CTNNA3: variants seen among roughly 807,000 people sequenced by gnomAD.
CTNNA3 encodes catenin alpha 3.
Under a neutral mutation model 95.7 loss-of-function variants are expected in CTNNA3, and 76 were observed. The ratio of observed to expected loss-of-function variants is 0.79; its 90% confidence interval spans 0.66 to 0.96. The LOEUF (loss-of-function observed/expected upper bound fraction) is 0.96. CTNNA3 is among the 40% of genes least tolerant of loss of function. CTNNA3 has a pLI of 0.00. For synonymous variants in CTNNA3, 431 were observed against 374.4 expected (o/e 1.15, Z -1.74); for missense variants, 1,191 against 1,089.8 (o/e 1.09, Z -1.31).
chr10:66,368,728 TA>T (rs1404053692), intron 12 of CTNNA3, among the ~76,000 whole-genome samples: 3 of 152,112 alleles, frequency 2.0e-5, no homozygotes, highest in African/African-American at 7.2e-5. Flanking sequence ...ATAAATAACA[TA>T]GGGGAGATGG....
intron 6 of CTNNA3, among the ~76,000 whole-genome samples, chr10:67,186,151 G>A (rs1391900460): frequency 6.6e-6 from 1 of 152,134 alleles, no homozygotes; most frequent in Non-Finnish European, 1.5e-5. Context: ...AATGTAATTA[G>A]AAGATGTGAT....
chr10:67,691,463 C>T (rs1251304770), intron 1 of CTNNA3, among the ~76,000 whole-genome samples: 4 of 151,952 alleles, frequency 2.6e-5, no homozygotes, highest in Admixed American at 2.6e-4. Flanking sequence ...CTCTTCCCGG[C>T]CACCATCACA....
intron 7 of CTNNA3, among the ~76,000 whole-genome samples, chr10:66,906,121 T>C (rs750245435): frequency 1.3e-5 from 2 of 152,196 alleles, no homozygotes. Flanking sequence ...CAGTGACTAC[T>C]AAAGCATTAG....
intron 7 of CTNNA3, among the ~76,000 whole-genome samples, chr10:67,142,247 T>G (rs1273912655): frequency 6.6e-6 from 1 of 152,210 alleles, no homozygotes; most frequent in Non-Finnish European, 1.5e-5. Flanking sequence ...GCTTATTGAC[T>G]TTTTTAGAAA....
At chr10:67,577,302 C>G (rs556695922) in intron 3 of CTNNA3, among the ~76,000 whole-genome samples, 4 of 150,060 alleles carry the variant, frequency 2.7e-5, no homozygotes, top group Admixed American at 1.3e-4. Flanking sequence ...CTCTGATGGC[C>G]AGTGTTTTGG....
intron 5 of CTNNA3, among the ~76,000 whole-genome samples, chr10:67,404,759 A>C (rs899597696): frequency 6.6e-6 from 1 of 152,158 alleles, no homozygotes; most frequent in Non-Finnish European, 1.5e-5. Context: ...ACATGTAATC[A>C]TCAGATCCTC....
Position 66,146,117 on chromosome 10 carries a change from G to C in CTNNA3, c.1885-42868C>G, listed in dbSNP as rs537098131. On this transcript the variant is annotated intron_variant, in intron 13 of 17. Transcript: ENST00000433211. ...TCCACCTGCTTTGGCCTCCCAAAGT[G>C]CTGGGATTACAGGCATGAGCCACCG... 2.0e-5 allele frequency among the ~76,000 whole-genome samples: 3 copies of C among 152,278 alleles called. No individual in the cohort carries two copies. The East Asian group carries it at 5.8e-4, about 30-fold the overall frequency.
chr10:66,451,014 T>C (rs758379435), intron 11 of CTNNA3, among the ~76,000 whole-genome samples: 2 of 152,092 alleles, frequency 1.3e-5, no homozygotes, highest in Non-Finnish European at 2.9e-5. Flanking sequence ...AACTTAACAA[T>C]AGTAGATATC....
rs544307091 is a variant in CTNNA3, at chr10:66,397,245, C to G, written c.1532-17893G>C. 5.3e-5 allele frequency among the ~76,000 whole-genome samples: 8 copies of G among 151,540 alleles called. No homozygotes were observed. The South Asian group carries it at 6.3e-4, about 12-fold the overall frequency. On this transcript the variant is annotated intron_variant, in intron 11 of 17. Coordinates refer to ENST00000433211, the MANE Select transcript of CTNNA3 (RefSeq NM_013266.4). ...ATACATGCATTACTATTGTAAGATA[C>G]TATTAAAATTATACTCTATCCTTGA...
chr10:66,553,770 A>G (rs7895782), intron 10 of CTNNA3, among the ~76,000 whole-genome samples: 149,682 of 151,826 alleles, frequency 0.99, 73,813 homozygotes, highest in Non-Finnish European at 1. Context: ...CTCGTGATCC[A>G]CCTGCCTCAG....
intron 7 of CTNNA3, among the ~76,000 whole-genome samples, chr10:67,171,864 A>G (rs757577807): frequency 7.9e-5 from 12 of 152,250 alleles, no homozygotes; most frequent in Non-Finnish European, 1.3e-4. Flanking sequence ...ACTGATTAAC[A>G]TTGAAGAAAA....
chr10:66,000,637 T>A (rs887750715), intron 15 of CTNNA3, among the ~76,000 whole-genome samples: 4 of 152,156 alleles, frequency 2.6e-5, no homozygotes, highest in Non-Finnish European at 5.9e-5. Flanking sequence ...AACATAGCGG[T>A]TGATTTTATA....
intron 13 of CTNNA3, among the ~76,000 whole-genome samples, chr10:66,278,677 TC>T (rs66987873): frequency 0.19 from 28,157 of 151,922 alleles, 2,885 homozygotes; most frequent in Admixed American, 0.27. Context: ...GATGTTTTTT[TC>T]CATCCCTAGA....
At chr10:66,925,783 G>T (rs1313552732) in intron 7 of CTNNA3, 1 of 293,754 alleles carries the variant, frequency 3.4e-6, no homozygotes, top group African/African-American at 2.3e-5. Context: ...CACATGTTTA[G>T]CAATTAAGTG....
intron 7 of CTNNA3, among the ~76,000 whole-genome samples, chr10:66,995,952 T>A (rs1851307382): frequency 1.3e-5 from 2 of 152,242 alleles, no homozygotes; most frequent in African/African-American, 4.8e-5. Flanking sequence ...ATTACATTAT[T>A]GTATCCTATA....
chr10:66,465,582 C>A (rs147963431), intron 11 of CTNNA3, among the ~76,000 whole-genome samples: 405 of 152,202 alleles, frequency 2.7e-3, no homozygotes, highest in Non-Finnish European at 4.3e-3. Context: ...AATGCTGAGG[C>A]AAGTTAATTT....
At chr10:67,520,728 TAGAA>T (rs1269028314) in intron 5 of CTNNA3, among the ~76,000 whole-genome samples, 3 of 152,136 alleles carry the variant, frequency 2.0e-5, no homozygotes, top group African/African-American at 7.2e-5. Flanking sequence ...AATAAGGCCA[TAGAA>T]AGGTTAAATG....
At chr10:66,771,089 G>A (rs1840068935) in intron 8 of CTNNA3, among the ~76,000 whole-genome samples, 1 of 152,030 alleles carries the variant, frequency 6.6e-6, no homozygotes, top group African/African-American at 2.4e-5. Context: ...TGGTGAACTG[G>A]TACTATGCAA....
intron 7 of CTNNA3, among the ~76,000 whole-genome samples, chr10:67,035,558 A>T (rs1158407394): frequency 1.3e-5 from 2 of 152,168 alleles, no homozygotes; most frequent in African/African-American, 4.8e-5. Flanking sequence ...AACTCGGAGA[A>T]CTTTTTGACA....
Sources: allele counts gnomAD v4.1 joint callset (sites outside exome capture counted in the v4.1 genomes callset), GRCh38; gene constraint gnomAD v4.1.1; transcripts MANE v1.5; gene names NCBI Gene and HGNC (gene_info 2026-07-23, HGNC 2026-07-21).